SLX4IP: variants seen among roughly 807,000 people sequenced by gnomAD.
The protein encoded by SLX4IP is protein SLX4IP.
A neutral mutation model predicts 32.9 loss-of-function variants in SLX4IP; 34 were observed. The observed-to-expected ratio is 1.03, with a 90% CI of 0.79 to 1.38. The LOEUF (loss-of-function observed/expected upper bound fraction) is 1.38, where lower values mean the gene tolerates loss of function less well. SLX4IP is among the 40% of genes most tolerant of loss of function. The pLI, the probability that SLX4IP is intolerant of heterozygous loss-of-function variation, is 0.00. For missense variants in SLX4IP, 444 were observed against 479.0 expected (o/e 0.93, Z 0.68); for synonymous variants, 172 against 171.7 (o/e 1.00, Z -0.01).
chr20:10,579,377 G>T (rs754052587), intron 4 of SLX4IP, among the ~76,000 whole-genome samples: 1 of 151,912 alleles, frequency 6.6e-6, no homozygotes, highest in Non-Finnish European at 1.5e-5. Flanking sequence ...CAATAAATGT[G>T]AGTGTTTATT....
chr20:10,574,003 A>G (rs1205811317), intron 4 of SLX4IP, among the ~76,000 whole-genome samples: 1 of 152,244 alleles, frequency 6.6e-6, no homozygotes, highest in East Asian at 1.9e-4. Context: ...GAAGTTTTAT[A>G]CTTTTTACCA....
chr20:10,482,858 C>A (rs879700978), intron 2 of SLX4IP, among the ~76,000 whole-genome samples: 3 of 152,072 alleles, frequency 2.0e-5, no homozygotes, highest in African/African-American at 4.8e-5. Context: ...GTGAATTTTA[C>A]GACATAAAAT....
chr20:10,595,486 A>G (rs1339862767), intron 4 of SLX4IP, among the ~76,000 whole-genome samples: 1 of 152,204 alleles, frequency 6.6e-6, no homozygotes, highest in African/African-American at 2.4e-5. Flanking sequence ...TGCCCCAAGT[A>G]GGAAAAGCAA....
intron 2 of SLX4IP, among the ~76,000 whole-genome samples, chr20:10,469,966 C>G (rs1354274680): frequency 6.6e-6 from 1 of 152,228 alleles, no homozygotes; most frequent in Non-Finnish European, 1.5e-5. Flanking sequence ...ACGACGAAAA[C>G]TATCCAAAGT....
At chr20:10,485,584 C>A (rs2065565001) in intron 2 of SLX4IP, among the ~76,000 whole-genome samples, 1 of 150,748 alleles carries the variant, frequency 6.6e-6, no homozygotes, top group Non-Finnish European at 1.5e-5. Flanking sequence ...CACCACTACA[C>A]TTCATTCAGC....
At chr20:10,620,283 C>A (rs549724879) in intron 6 of SLX4IP, among the ~76,000 whole-genome samples, 53 of 152,236 alleles carry the variant, frequency 3.5e-4, no homozygotes, top group African/African-American at 1.2e-3. Context: ...TACTTGATAA[C>A]CAAAAGGAGA....
chr20:10,509,677 G>T (rs6077820), intron 2 of SLX4IP, among the ~76,000 whole-genome samples: 2 of 151,946 alleles, frequency 1.3e-5, no homozygotes, highest in Non-Finnish European at 2.9e-5. Flanking sequence ...AGTTGGTCCC[G>T]CATTGGGATG....
At chr20:10,618,674 C>G (rs1445533024) in intron 6 of SLX4IP, among the ~76,000 whole-genome samples, 1 of 152,164 alleles carries the variant, frequency 6.6e-6, no homozygotes, top group Non-Finnish European at 1.5e-5. Context: ...GGTTTATCTT[C>G]ATTCTTTACA....
At chr20:10,578,808 A>G (rs928489011) in intron 4 of SLX4IP, among the ~76,000 whole-genome samples, 2 of 152,022 alleles carry the variant, frequency 1.3e-5, no homozygotes, top group Admixed American at 6.5e-5. Context: ...TTTTGATTCC[A>G]TTTCCCTGAT....
intron 2 of SLX4IP, among the ~76,000 whole-genome samples, chr20:10,471,096 A>C (rs1876849923): frequency 6.6e-6 from 1 of 152,356 alleles, no homozygotes; most frequent in East Asian, 1.9e-4. Flanking sequence ...AAAGTGGGAA[A>C]ATAACATTTT....
At chr20:10,558,990 C>G (rs574186819) in intron 3 of SLX4IP, among the ~76,000 whole-genome samples, 3 of 152,272 alleles carry the variant, frequency 2.0e-5, no homozygotes, top group African/African-American at 7.2e-5. Context: ...TTTTGTCATG[C>G]TATTTTTAGT....
chr20:10,518,470 TTCTTTTCCTTTCCTTTCCTTTTCCTTCC>T (rs1568720207), intron 2 of SLX4IP, among the ~76,000 whole-genome samples: 5 of 45,314 alleles, frequency 1.1e-4, no homozygotes, highest in Admixed American at 8.5e-4. Context: ...TTCCTTTCCT[TTCTTTTCCTTTCCTTTCCTTTTCCTTCC>T]TTCCTTCCTT....
Position 10,625,100 on chromosome 20 carries a change from G to C in SLX4IP, c.*1721G>C, listed in dbSNP as rs1307314307. 1 of 152,228 alleles carries C rather than the reference G, an allele frequency of 6.6e-6. No homozygotes were observed. Among genetic ancestry groups the C allele is most frequent in the Admixed American group, 6.5e-5 (1 of 15,278 alleles). 9.4% of individuals were successfully genotyped at this position (152,228 alleles called of 1,614,324 possible). A position where few individuals can be genotyped will look rare whatever the true frequency, so the allele number is the denominator to read the frequency against. On this transcript the variant is annotated 3_prime_UTR_variant, in exon 8 of 8. Transcript: ENST00000334534. ...ACAGAATACTAACTTCAGTGGAGCT[G>C]ACTCTGCTTATACAATAGGGGTGGG...
chr20:10,531,695 G>T (rs1485646648), intron 2 of SLX4IP, among the ~76,000 whole-genome samples: 1 of 152,120 alleles, frequency 6.6e-6, no homozygotes, highest in Non-Finnish European at 1.5e-5. Flanking sequence ...TGGTAACTTG[G>T]TGGCTAGTGA....
chr20:10,445,505 T>C (rs1283562012), intron 1 of SLX4IP, among the ~76,000 whole-genome samples: 6 of 151,390 alleles, frequency 4.0e-5, no homozygotes, highest in Admixed American at 6.6e-5. Flanking sequence ...TTAGTAGAGA[T>C]GGAGTTTCAC....
rs72623523 is a variant in SLX4IP at position 10,596,902 on chromosome 20, G to A, written c.239-1773G>A. Among the ~76,000 whole-genome samples, 1,697 of 152,298 alleles carry A rather than the reference G, an allele frequency of 0.011. 90 individuals carry two copies. In the East Asian group the frequency reaches 0.16, roughly 15 times the overall value. On this transcript the variant is annotated intron_variant, in intron 4 of 7. Coordinates refer to ENST00000334534, the MANE Select transcript of SLX4IP (RefSeq NM_001009608.3). ...TATATTTTGTTTGACATTTTAAGCA[G>A]AAGAAAGCCACATGACTGAAATGCA... is the stretch of plus-strand genomic sequence containing the variant.
Position 10,480,398 on chromosome 20 carries a change from C to T in SLX4IP, c.27+22167C>T, listed in dbSNP as rs1311401359. ...CTAGAGTTTTGGAAACAGCAGGACC[C>T]TGTTTCCAAAAAAAAAAAAGGAAAA... On this transcript the variant is annotated intron_variant, in intron 2 of 7. Transcript: ENST00000334534. 4.2e-5 allele frequency among the ~76,000 whole-genome samples: 6 copies of T among 141,808 alleles called. No individual in the cohort carries two copies. In the East Asian group the frequency reaches 1.2e-3, roughly 29 times the overall value. The allele number at this position is 141,808 out of a possible 152,430, so 93.0% of individuals were successfully genotyped here. A position where few individuals can be genotyped will look rare whatever the true frequency, so the allele number is the denominator to read the frequency against.
intron 2 of SLX4IP, among the ~76,000 whole-genome samples, chr20:10,492,747 A>G (rs996496147): frequency 9.2e-5 from 14 of 152,116 alleles, no homozygotes; most frequent in Non-Finnish European, 1.6e-4. Context: ...TTCTTCAAAA[A>G]TTTTAGGTTT....
rs746070708 is a variant in SLX4IP, at chr20:10,621,330, A to G, written c.422A>G (p.His141Arg). 5 of 1,614,170 alleles carry G rather than the reference A, an allele frequency of 3.1e-6. No individual in the cohort carries two copies. Among genetic ancestry groups the G allele is most frequent in the Non-Finnish European group, 4.2e-6 (5 of 1,179,996 alleles). The change falls in exon 7 of 8, where the codon CAT becomes CGT. Residue 141 changes from histidine (H) to arginine (R), a missense_variant. His to Arg is a conservative substitution (Grantham distance 29). Transcript: ENST00000334534. ...TTGGAGTAGACAGAAAGAGTTCTCC[A>G]TGGAGTGTCTGATTACTTTGCTGAG... ...QNEDLTERVLHGVSDYFAECA... is the reference protein window; with the variant it reads ...QNEDLTERVLRGVSDYFAECA...
Sources: gnomAD v4.1 joint callset for allele counts (sites outside exome capture counted in the v4.1 genomes callset) on GRCh38, gnomAD v4.1.1 for gene constraint, MANE v1.5 for transcripts, NCBI Gene and HGNC (gene_info 2026-07-23, HGNC 2026-07-21) for gene names.